Variants in FHIT observed in about 807,000 individuals in gnomAD.
FHIT encodes bis(5'-adenosyl)-triphosphatase.
Under a neutral mutation model 17.9 loss-of-function variants are expected in FHIT, and 19 were observed. The ratio of observed to expected loss-of-function variants is 1.06; its 90% CI spans 0.74 to 1.56. The LOEUF (loss-of-function observed/expected upper bound fraction) is 1.56. Among genes scored for constraint, FHIT ranks in the 40% most tolerant of loss-of-function variants. FHIT has a pLI of 0.00. For missense variants in FHIT, 248 were observed against 189.2 expected (o/e 1.31, Z -1.82); for synonymous variants, 81 against 69.7 (o/e 1.16, Z -0.81).
Position 59,817,577 on chromosome 3 carries a change from A to AAAAG in FHIT, c.349-65260_349-65257dup, listed in dbSNP as rs1205134371. Among the ~76,000 whole-genome samples the AAAAG allele has an allele frequency of 3.3e-5, 5 of 151,058 alleles. No homozygotes were observed. In the East Asian group the frequency reaches 5.8e-4, roughly 18 times the overall value. The stretch of plus-strand genomic sequence containing the variant: ...CACCCGTCACTAAAAAAAAAAAAAA[A>AAAAG]AAAGAAAGAAAGAAAGAAAAGAAAA... On this transcript the variant is annotated intron_variant, in intron 8 of 9. Transcript: ENST00000492590.
chr3:60,543,767 C>G (rs190149566), intron 4 of FHIT, among the ~76,000 whole-genome samples: 42 of 149,762 alleles, frequency 2.8e-4, no homozygotes, highest in African/African-American at 9.4e-4. Context: ...TGTTTTCAGA[C>G]AGAGTTTCGC....
At chr3:60,761,960 C>T (rs1467753303) in intron 4 of FHIT, among the ~76,000 whole-genome samples, 1 of 152,064 alleles carries the variant, frequency 6.6e-6, no homozygotes, top group Non-Finnish European at 1.5e-5. Context: ...TTTATCCTTC[C>T]TTTGCTACCG....
At chr3:60,781,327 C>T (rs1700381919) in intron 4 of FHIT, among the ~76,000 whole-genome samples, 1 of 152,132 alleles carries the variant, frequency 6.6e-6, no homozygotes, top group Admixed American at 6.5e-5. Flanking sequence ...AACCCAAAGG[C>T]ACACAGAAAA....
intron 5 of FHIT, among the ~76,000 whole-genome samples, chr3:60,533,754 G>A (rs758335853): frequency 2.0e-5 from 3 of 152,132 alleles, no homozygotes; most frequent in Non-Finnish European, 4.4e-5. Context: ...CGGAAAGAAG[G>A]GAGACTGAGC....
intron 5 of FHIT, among the ~76,000 whole-genome samples, chr3:60,166,022 A>G (rs1310547725): frequency 1.3e-5 from 2 of 152,150 alleles, no homozygotes; most frequent in Non-Finnish European, 2.9e-5. Flanking sequence ...TATAAACACA[A>G]AAGGCCAATT....
At position 61,237,642 on chromosome 3, in the gene FHIT, C is replaced by G. The variant is rs755605940; in HGVS notation, c.-213+13659G>C. ...TAGAGTAACATTCCAGGTTTAATGA[C>G]ACTGATCTCAGGTCATACGTATTGA... is the stretch of plus-strand genomic sequence containing the variant. On this transcript the variant is annotated intron_variant, in intron 1 of 9. Transcript: ENST00000492590. Among the ~76,000 whole-genome samples, 18 of 152,310 alleles carry G rather than the reference C, an allele frequency of 1.2e-4. 1 individual carries two copies. Among genetic ancestry groups the G allele is most frequent in the Non-Finnish European group, 2.1e-4 (14 of 68,020 alleles).
intron 5 of FHIT, among the ~76,000 whole-genome samples, chr3:60,147,742 C>T (rs1006515272): frequency 6.6e-6 from 1 of 152,206 alleles, no homozygotes; most frequent in Admixed American, 6.5e-5. Context: ...CGGAGCTTCT[C>T]TTTATCGCTA....
chr3:60,018,025 G>A (rs978548419), intron 5 of FHIT, among the ~76,000 whole-genome samples: 3 of 152,192 alleles, frequency 2.0e-5, no homozygotes, highest in African/African-American at 7.2e-5. Flanking sequence ...AACACCTGAA[G>A]CTGGGTCGTT....
chr3:60,660,727 C>CTT (rs1220817643), intron 4 of FHIT, among the ~76,000 whole-genome samples: 15 of 16,732 alleles, frequency 9.0e-4, no homozygotes, highest in African/African-American at 2.1e-3. Flanking sequence ...TTTTATTGTG[C>CTT]TCTTTTTTTT....
chr3:59,826,641 T>C (rs1700988508), intron 8 of FHIT, among the ~76,000 whole-genome samples: 1 of 152,234 alleles, frequency 6.6e-6, no homozygotes, highest in African/African-American at 2.4e-5. Flanking sequence ...GGAGACACAA[T>C]GTGCGCGAGT....
chr3:60,206,149 A>AGTAATAATAATAATAAT (rs1553712154), intron 5 of FHIT, among the ~76,000 whole-genome samples: 1 of 94,142 alleles, frequency 1.1e-5, no homozygotes, highest in Non-Finnish European at 2.1e-5. Context: ...AAAAAAAAAT[A>AGTAATAATAATAATAAT]AATAATAATA....
At chr3:59,863,455 A>G (rs940818787) in intron 8 of FHIT, among the ~76,000 whole-genome samples, 3 of 152,198 alleles carry the variant, frequency 2.0e-5, no homozygotes, top group Non-Finnish European at 4.4e-5. Flanking sequence ...CTGTCATATG[A>G]TCCTATAGCA....
rs147299867 is a variant in FHIT at position 60,840,801 on chromosome 3, A to G, written c.-110-18790T>C. Among the ~76,000 whole-genome samples the G allele has an allele frequency of 1.0e-3, 158 of 152,342 alleles. 1 individual carries two copies. The highest frequency in any genetic ancestry group is 3.7e-3 in the African/African-American group (154 of 41,586). ...GTTAAAAACATATGGCCTATCAGTAATGAATGAAGTTTTGCCCATATCATG... is the reference window on the plus strand; with the variant it reads ...GTTAAAAACATATGGCCTATCAGTAGTGAATGAAGTTTTGCCCATATCATG... On this transcript the variant is annotated intron_variant, in intron 3 of 9. Coordinates refer to ENST00000492590, the MANE Select transcript of FHIT (RefSeq NM_002012.4).
intron 5 of FHIT, among the ~76,000 whole-genome samples, chr3:60,518,853 AC>A (rs2035255506): frequency 6.6e-6 from 1 of 152,274 alleles, no homozygotes; most frequent in South Asian, 2.1e-4. Context: ...TACTAAAAAT[AC>A]AAAAATTAGC....
intron 4 of FHIT, among the ~76,000 whole-genome samples, chr3:60,569,727 A>G (rs1326868694): frequency 2.2e-4 from 3 of 13,354 alleles, no homozygotes; most frequent in African/African-American, 2.9e-4. Context: ...TATTAATACT[A>G]TATATATATA....
chr3:59,836,345 G>A (rs183667883), intron 8 of FHIT, among the ~76,000 whole-genome samples: 9 of 152,252 alleles, frequency 5.9e-5, no homozygotes, highest in East Asian at 5.8e-4. Flanking sequence ...CCCTTCAAAC[G>A]CTGAGAGCTG....
chr3:60,656,802 T>C (rs1222495785), intron 4 of FHIT, among the ~76,000 whole-genome samples: 1 of 152,246 alleles, frequency 6.6e-6, no homozygotes, highest in Non-Finnish European at 1.5e-5. Context: ...GTGTTTCTGC[T>C]AGTCAACAAG....
At chr3:60,807,546 C>T (rs1161065596) in intron 4 of FHIT, among the ~76,000 whole-genome samples, 1 of 152,112 alleles carries the variant, frequency 6.6e-6, no homozygotes, top group Non-Finnish European at 1.5e-5. Context: ...CATGATTGTG[C>T]CACTGCACCC....
At chr3:60,539,355 C>A (rs9790016) in intron 4 of FHIT, among the ~76,000 whole-genome samples, 1 of 152,198 alleles carries the variant, frequency 6.6e-6, no homozygotes, top group African/African-American at 2.4e-5. Flanking sequence ...GGACTGTAAA[C>A]TAGTTCAACC....
Sources: allele counts gnomAD v4.1 joint callset (sites outside exome capture counted in the v4.1 genomes callset), GRCh38; gene constraint gnomAD v4.1.1; transcripts MANE v1.5; gene names NCBI Gene and HGNC (gene_info 2026-07-23, HGNC 2026-07-21).